The following SCRIB variants were observed in gnomAD, a reference collection of about 807,000 sequenced individuals.
SCRIB encodes the protein protein scribble homolog.
SCRIB carries 72 observed loss-of-function variants against 170.0 expected under a neutral mutation model. The observed-to-expected ratio is 0.42, with a 90% confidence interval of 0.35 to 0.52. The LOEUF (loss-of-function observed/expected upper bound fraction) is 0.52, where lower values mean the gene tolerates loss of function less well. Among genes scored for constraint, SCRIB ranks in the 20% least tolerant of loss-of-function variants. SCRIB has a pLI of 0.02. For synonymous variants in SCRIB, 1,298 were observed against 1,044.3 expected (o/e 1.24, Z -4.68); for missense variants, 2,475 against 2,338.5 (o/e 1.06, Z -1.20).
At chr8:143,808,256 G>A (rs1346808104) in intron 15 of SCRIB, among the ~76,000 whole-genome samples, 2 of 152,154 alleles carry the variant, frequency 1.3e-5, no homozygotes, top group African/African-American at 2.4e-5. Flanking sequence ...CCAGCAGGTC[G>A]GGCAAATACT....
chr8:143,808,784 T>C lies in SCRIB; in HGVS notation c.1940A>G (p.Asn647Ser), dbSNP rs761746890. ...EGPVAPGGWH[N>S]GPHAPWAPRA... ...AGGAGCCCAGGGTGCGTGGGGGCCA[T>C]TGTGCCAGCCCCCGGGAGCCACAGG... Residue 647 changes from asparagine to serine, a missense_variant, in exon 15 of 37, where the codon AAT (asparagine) becomes AGT (serine). By Grantham distance (46) the Asn-to-Ser change is conservative. Coordinates refer to ENST00000356994, the MANE Select transcript of SCRIB (RefSeq NM_182706.5). 4 of 1,611,364 alleles carry C rather than the reference T, an allele frequency of 2.5e-6. No homozygotes were observed. Among genetic ancestry groups the C allele is most frequent in the Non-Finnish European group, 2.5e-6 (3 of 1,178,630 alleles).
In SCRIB at chr8:143,810,811, C is replaced by G. The variant is rs1815678072; in HGVS notation, c.1279G>C (p.Ala427Pro). Residue 427 changes from alanine (A) to proline (P), a missense_variant, in exon 12 of 37, where the codon GCT (alanine) becomes CCT (proline). Around this residue, in one of 3 missense-constraint regions of SCRIB, gnomAD observed 1,966 missense variants for 1,742.9 expected, o/e 1.13. Coordinates refer to ENST00000356994, the MANE Select transcript of SCRIB (RefSeq NM_182706.5). ...TCCGAGAGGCTCCCCTGCTGCCCAG[C>G]ATCCTCTGCAGCAGGTGAGCGTCAG... ...PQQPPPSLED[A>P]GQQGSLSETW... is the part of the protein sequence containing the mutation. 1 of 1,601,696 alleles carries G rather than the reference C, an allele frequency of 6.2e-7. No homozygotes were observed. The highest frequency in any genetic ancestry group is 8.5e-7 in the Non-Finnish European group (1 of 1,176,802).
At position 143,808,605 on chromosome 8, in the gene SCRIB, C is replaced by A; in HGVS notation, c.2115+4G>T. ...GGTCAGGCAGGGGTGAGGCTGACAC[C>A]AACCTTGACAGAGGGCGCAGAAACC... On this transcript the variant is annotated splice_donor_region_variant and intron_variant, in intron 15 of 36. Coordinates refer to ENST00000356994, the MANE Select transcript of SCRIB (RefSeq NM_182706.5). The A allele has an allele frequency of 6.6e-7, 1 of 1,507,322 alleles. No homozygotes were observed. The highest frequency in any genetic ancestry group is 8.9e-7 in the Non-Finnish European group (1 of 1,128,988). The allele number at this position is 1,507,322 out of a possible 1,614,324, so 93.4% of individuals were successfully genotyped here.
In SCRIB at chr8:143,815,547, G is replaced by T; in HGVS notation, c.-175C>A. The T allele has an allele frequency of 1.0e-6, 1 of 980,450 alleles. No homozygotes were observed. Among genetic ancestry groups the T allele is most frequent in the Non-Finnish European group, 1.2e-6 (1 of 827,958 alleles). 60.7% of individuals were successfully genotyped at this position (980,450 alleles called of 1,614,324 possible). On this transcript the variant is annotated 5_prime_UTR_variant, in exon 1 of 37. Transcript: ENST00000356994. ...CGGCGCTGGGCCCGGCCCGCGCTCG[G>T]AACGCTCGGACTGCGGGCCTGGGCA...
intron 24 of SCRIB, among the ~76,000 whole-genome samples, chr8:143,796,570 C>T (rs1300618513): frequency 6.6e-6 from 1 of 152,186 alleles, no homozygotes; most frequent in East Asian, 1.9e-4. Context: ...ACAGAAGATG[C>T]TGTTTACAAC....
chr8:143,803,572 C>A lies in SCRIB; in HGVS notation c.3415-1G>T. On this transcript the variant is annotated splice_acceptor_variant, in intron 23 of 36. Coordinates refer to ENST00000356994, the MANE Select transcript of SCRIB (RefSeq NM_182706.5). LOFTEE classifies it high-confidence loss of function. Reference sequence around the variant, plus strand: ...GCCCGGCTGCCCCCGTGGGGCTCACCTGTGGGGAGACGTGGTATGGGAGAG... The same window carrying A: ...GCCCGGCTGCCCCCGTGGGGCTCACATGTGGGGAGACGTGGTATGGGAGAG... 2 of 1,358,282 alleles carry A rather than the reference C, an allele frequency of 1.5e-6. No homozygotes were observed. Among genetic ancestry groups the A allele is most frequent in the Non-Finnish European group, 1.9e-6 (2 of 1,026,536 alleles). The allele number at this position is 1,358,282 out of a possible 1,614,324, so 84.1% of individuals were successfully genotyped here.
intron 22 of SCRIB, 46 bp from the exon 23 acceptor site, chr8:143,803,986 C>A: frequency 6.4e-7 from 1 of 1,574,722 alleles, no homozygotes; most frequent in South Asian, 1.2e-5. Context: ...CCGCGCTGAC[C>A]TGCGCTGGTA....
In SCRIB at chr8:143,798,062, A is replaced by G. The variant is rs538397948; in HGVS notation, c.3604-2532T>C. 2.5e-4 allele frequency among the ~76,000 whole-genome samples: 38 copies of G among 152,340 alleles called. 1 individual carries two copies. In the South Asian group the frequency reaches 6.8e-3, roughly 27 times the overall value. ...GGCCGGTCTTCTGAAATGATTCTAT[A>G]TAACTTCAACTTTGGAACCACGTGA... On this transcript the variant is annotated intron_variant, in intron 24 of 36. Transcript: ENST00000356994.
At chr8:143,804,292 C>T in intron 21 of SCRIB, 136 bp from the exon 22 acceptor site, 1 of 721,718 alleles carries the variant, frequency 1.4e-6, no homozygotes, top group South Asian at 1.9e-5. Flanking sequence ...ATTTCTGCGC[C>T]ACCAGTGTTC....
Position 143,813,380 on chromosome 8 carries a change from G to A in SCRIB, c.504-6C>T, listed in dbSNP as rs770722972. 35 of 1,613,446 alleles carry A rather than the reference G, an allele frequency of 2.2e-5. 1 individual carries two copies. The South Asian group carries it at 2.2e-4, about 10-fold the overall frequency. On this transcript the variant is annotated splice_polypyrimidine_tract_variant and splice_region_variant and intron_variant, in intron 5 of 36. Coordinates refer to ENST00000356994, the MANE Select transcript of SCRIB (RefSeq NM_182706.5). Reference sequence around the variant, plus strand: ...TGACCAGAAATGACAGGGACCTGCAGAGGAAGCAGGGTGGAGGTGTGGCCA... The same window carrying A: ...TGACCAGAAATGACAGGGACCTGCAAAGGAAGCAGGGTGGAGGTGTGGCCA...
At chr8:143,806,527 C>T in intron 17 of SCRIB, 43 bp from the exon 18 acceptor site, 1 of 1,478,446 alleles carries the variant, frequency 6.8e-7, no homozygotes, top group Non-Finnish European at 9.3e-7. Flanking sequence ...GGGAGACGGG[C>T]CCGCATTCCT....
At position 143,805,942 on chromosome 8, in the gene SCRIB, G is replaced by A. The variant is rs114378059; in HGVS notation, c.2346+465C>T. Among the ~76,000 whole-genome samples, 628 of 152,288 alleles carry A rather than the reference G, an allele frequency of 4.1e-3. 3 individuals are homozygous for A. The highest frequency in any genetic ancestry group is 0.014 in the African/African-American group (601 of 41,552). ...CTCAGTGTGTCCCTACAAGAAGGGCGCATGCCTCTTCAGAGCCCCCGGATG... is the reference window on the plus strand; with the variant it reads ...CTCAGTGTGTCCCTACAAGAAGGGCACATGCCTCTTCAGAGCCCCCGGATG... On this transcript the variant is annotated intron_variant, in intron 18 of 36. Transcript: ENST00000356994.
chr8:143,815,445 G>A lies in SCRIB; in HGVS notation c.-73C>T. On this transcript the variant is annotated 5_prime_UTR_variant, in exon 1 of 37. Transcript: ENST00000356994. ...GGGGCCGGGGGGCGGGGCTCAGTCCGCATGGGCGCCGCGCATGGGGAGGGG... is the reference window on the plus strand; with the variant it reads ...GGGGCCGGGGGGCGGGGCTCAGTCCACATGGGCGCCGCGCATGGGGAGGGG... The A allele has an allele frequency of 8.6e-7, 1 of 1,161,618 alleles. No homozygotes were observed. The highest frequency in any genetic ancestry group is 1.1e-6 in the Non-Finnish European group (1 of 942,628). 72.0% of individuals were successfully genotyped at this position (1,161,618 alleles called of 1,614,324 possible).
At chr8:143,792,193 G>A in intron 32 of SCRIB, 27 bp downstream of exon 32, 4 of 1,556,050 alleles carry the variant, frequency 2.6e-6, no homozygotes, top group Non-Finnish European at 3.5e-6. Context: ...CAGCAGGGCG[G>A]GGTGGCGACC....
At chr8:143,791,762 G>T in intron 34 of SCRIB, 22 bp from the exon 35 acceptor site, 1 of 1,560,050 alleles carries the variant, frequency 6.4e-7, no homozygotes, top group Non-Finnish European at 8.8e-7. Flanking sequence ...AGCGTGAGGG[G>T]AGAGGCAGAG....
At chr8:143,808,028 C>T (rs1554637021) in intron 15 of SCRIB, among the ~76,000 whole-genome samples, 2 of 152,144 alleles carry the variant, frequency 1.3e-5, no homozygotes, top group African/African-American at 4.8e-5. Context: ...ACTGGTGCCC[C>T]GAAGGCCTGT....
Position 143,812,393 on chromosome 8 carries a change from G to A in SCRIB, c.788-9C>T, listed in dbSNP as rs199541939. ...TAGCTGCTTCAGCTGACCTGGCGTC[G>A]GGGAGACAGGGGGACAAGGCTGAGC... On this transcript the variant is annotated splice_polypyrimidine_tract_variant and intron_variant, in intron 8 of 36. Transcript: ENST00000356994. The A allele has an allele frequency of 7.0e-5, 110 of 1,573,228 alleles. No individual in the cohort carries two copies. The African/African-American group carries it at 8.2e-4, about 12-fold the overall frequency.
At chr8:143,803,598 A>G in intron 23 of SCRIB, 27 bp from the exon 24 acceptor site, 2 of 1,180,484 alleles carry the variant, frequency 1.7e-6, no homozygotes, top group Non-Finnish European at 2.3e-6. Flanking sequence ...TATGGGAGAG[A>G]CCTGTTGGGG....
chr8:143,815,521 C>T lies in SCRIB; in HGVS notation c.-149G>A. The T allele has an allele frequency of 1.0e-6, 1 of 983,588 alleles. No individual in the cohort carries two copies. 60.9% of individuals were successfully genotyped at this position (983,588 alleles called of 1,614,324 possible). ...AGACTGGACGGGGACGCGGCCGCGG[C>T]CGGCGCTGGGCCCGGCCCGCGCTCG... On this transcript the variant is annotated 5_prime_UTR_variant, in exon 1 of 37. Coordinates refer to ENST00000356994, the MANE Select transcript of SCRIB (RefSeq NM_182706.5).
Sources: allele counts gnomAD v4.1 joint callset (sites outside exome capture counted in the v4.1 genomes callset), GRCh38; gene constraint gnomAD v4.1.1; regional missense constraint gnomAD v4.1.1; transcripts MANE v1.5; gene names NCBI Gene and HGNC (gene_info 2026-07-23, HGNC 2026-07-21).